Variants in USO1 observed in about 807,000 individuals in gnomAD.
The protein encoded by USO1 is USO1 vesicle transport factor, also known as general vesicular transport factor p115.
Under a neutral mutation model 124.5 loss-of-function variants are expected in USO1, and 57 were observed. That is an observed-to-expected ratio of 0.46 (90% CI 0.37 to 0.57). The LOEUF (loss-of-function observed/expected upper bound fraction) is 0.57, where lower values mean the gene tolerates loss of function less well. Among genes scored for constraint, USO1 ranks in the 20% least tolerant of loss-of-function variants. The probability of loss-of-function intolerance (pLI) is 0.00; values close to 1 mark genes in which losing one functional copy is unlikely to be tolerated. For synonymous variants in USO1, 369 were observed against 362.8 expected, an observed-to-expected ratio of 1.02 and a Z score of -0.19; for missense variants, 900 against 1,040.6, an observed-to-expected ratio of 0.86 and a Z score of 1.86.
At chr4:75,725,599 A>G (rs745501705) in intron 1 of USO1, among the ~76,000 whole-genome samples, 32 of 145,184 alleles carry the variant, frequency 2.2e-4, no homozygotes, top group Non-Finnish European at 4.4e-4. Context: ...TCCTAATGAC[A>G]TGATTTGCGG....
intron 4 of USO1, chr4:75,767,545 C>A (rs937650845): frequency 2.6e-6 from 1 of 378,862 alleles, no homozygotes; most frequent in African/African-American, 2.2e-5. Context: ...GAGATGGAGA[C>A]CATCCTGGCT....
At chr4:75,737,870 G>A (rs906005059) in intron 1 of USO1, among the ~76,000 whole-genome samples, 6 of 151,514 alleles carry the variant, frequency 4.0e-5, no homozygotes, top group African/African-American at 9.7e-5. Flanking sequence ...CTCTGTCACC[G>A]AGGCTGGAGT....
chr4:75,724,837 G>A lies in USO1; in HGVS notation c.18G>A (p.Gly6=), dbSNP rs1462535714. ...ACGGCAAGATGAATTTCCTCCGCGGGGTAATGGGGGGTCAGAGTGCCGGAC... is the reference window on the plus strand; with the variant it reads ...ACGGCAAGATGAATTTCCTCCGCGGAGTAATGGGGGGTCAGAGTGCCGGAC... The part of the protein sequence containing the change: MNFLR[G]VMGGQSAGPQ... Residue 6 remains glycine, a synonymous_variant, in exon 1 of 24, where the codon GGG becomes GGA. Transcript: ENST00000514213. 3.1e-6 allele frequency: 5 copies of A among 1,613,912 alleles called. No individual in the cohort carries two copies. Among genetic ancestry groups the A allele is most frequent in the Non-Finnish European group, 8.5e-7 (1 of 1,179,832 alleles).
intron 1 of USO1, among the ~76,000 whole-genome samples, chr4:75,739,807 T>C (rs7657198): frequency 0.35 from 53,518 of 151,890 alleles, 11,611 homozygotes; most frequent in African/African-American, 0.62. Context: ...CTTCCCAAAG[T>C]GCTGGGATTA....
rs533041107 is a variant in USO1 at position 75,796,341 on chromosome 4, C to CTTTT, written c.1452+2449_1452+2452dup. On this transcript the variant is annotated intron_variant, in intron 13 of 23. Transcript: ENST00000514213. ...TAATCCCAGAAAGTTCCATCATGCTCTTTTTTTTTTTTGAGACGGAGTCTC... is the reference window on the plus strand; with the variant it reads ...TAATCCCAGAAAGTTCCATCATGCTCTTTTTTTTTTTTTTTTGAGACGGAGTCTC... Among the ~76,000 whole-genome samples, 12 of 102,086 alleles carry CTTTT rather than the reference C, an allele frequency of 1.2e-4. 1 individual carries two copies. Among genetic ancestry groups the CTTTT allele is most frequent in the South Asian group, 3.4e-4 (1 of 2,902 alleles). The allele number at this position is 102,086 out of a possible 152,430, so 67.0% of individuals were successfully genotyped here. A position where few individuals can be genotyped will look rare whatever the true frequency, so the allele number is the denominator to read the frequency against.
chr4:75,790,652 T>G lies in USO1; in HGVS notation c.1095T>G (p.Ile365Met). ...TTTTTAAATGCAACAGACCGGCAAT[T>G]GTAGTACTTCTCATGTCCATGGTTA... ...NAPSNPPRPA[I>M]VVLLMSMVNE... Residue 365 changes from isoleucine (I) to methionine (M), a missense_variant, in exon 12 of 24, where the codon ATT becomes ATG. Around this residue, in one of 2 missense-constraint regions of USO1, gnomAD observed 538 missense variants for 681.6 expected, o/e 0.79. Transcript: ENST00000514213. 1 of 1,608,138 alleles carries G rather than the reference T, an allele frequency of 6.2e-7. No homozygotes were observed. Among genetic ancestry groups the G allele is most frequent in the Non-Finnish European group, 8.5e-7 (1 of 1,178,306 alleles).
chr4:75,791,642 C>T (rs1422788949), intron 12 of USO1, among the ~76,000 whole-genome samples: 1 of 152,134 alleles, frequency 6.6e-6, no homozygotes, highest in Non-Finnish European at 1.5e-5. Flanking sequence ...TTAAATATTT[C>T]ATCTTACCTA....
At chr4:75,756,507 ATT>A (rs5859475) in intron 3 of USO1, among the ~76,000 whole-genome samples, 1 of 135,172 alleles carries the variant, frequency 7.4e-6, no homozygotes, top group Non-Finnish European at 1.5e-5. Flanking sequence ...TTTCATAATA[ATT>A]TTTTTTTTTT....
intron 7 of USO1, among the ~76,000 whole-genome samples, chr4:75,771,432 A>C (rs928864536): frequency 6.6e-6 from 1 of 152,218 alleles, no homozygotes; most frequent in Non-Finnish European, 1.5e-5. Flanking sequence ...GTACAAGGCC[A>C]CATTGTTTCA....
intron 20 of USO1, among the ~76,000 whole-genome samples, chr4:75,808,440 A>G (rs990156583): frequency 2.0e-5 from 3 of 152,200 alleles, no homozygotes; most frequent in Admixed American, 1.3e-4. Context: ...CCAGGCCTGC[A>G]GTTTTTAACC....
intron 1 of USO1, among the ~76,000 whole-genome samples, chr4:75,729,529 CAG>C (rs1720569740): frequency 6.6e-6 from 1 of 152,066 alleles, no homozygotes; most frequent in African/African-American, 2.4e-5. Flanking sequence ...TTAGTAGAGA[CAG>C]GGTTGCACTG....
At chr4:75,790,621 C>A (rs777313499) in intron 11 of USO1, 22 bp from the exon 12 acceptor site, 4 of 1,587,024 alleles carry the variant, frequency 2.5e-6, no homozygotes, top group Non-Finnish European at 3.4e-6. Context: ...TCATTTTGTT[C>A]TTTTCTTTTT....
intron 9 of USO1, among the ~76,000 whole-genome samples, chr4:75,784,924 T>C (rs1032024218): frequency 1.2e-4 from 18 of 152,356 alleles, no homozygotes; most frequent in African/African-American, 4.3e-4. Flanking sequence ...TGACTTTCTG[T>C]AGCTTAGTAA....
chr4:75,727,380 A>G lies in USO1; in HGVS notation c.66+2495A>G, dbSNP rs1002536829. On this transcript the variant is annotated intron_variant, in intron 1 of 23. Transcript: ENST00000514213. ...AAAGGGTCCTTTCTTGTTCTTGCCT[A>G]ACTTTGAGTATGTACATTTAAAATT... Among the ~76,000 whole-genome samples, 23 of 152,336 alleles carry G rather than the reference A, an allele frequency of 1.5e-4. No homozygotes were observed. The East Asian group carries it at 3.7e-3, about 24-fold the overall frequency.
rs1421691534 is a variant in USO1, at chr4:75,782,585, T to C, written c.677-95T>C. ...TATCTGCCTGGCCATATTGAAGAGA[T>C]GCTGAGCATGGAGATTTATCTTTTT... On this transcript the variant is annotated intron_variant, in intron 8 of 23. Transcript: ENST00000514213. 5.6e-6 allele frequency: 8 copies of C among 1,436,818 alleles called. No individual in the cohort carries two copies. In the Admixed American group the frequency reaches 2.3e-4, roughly 41 times the overall value. 89.0% of individuals were successfully genotyped at this position (1,436,818 alleles called of 1,614,324 possible).
At chr4:75,735,551 C>T (rs1463042578) in intron 1 of USO1, among the ~76,000 whole-genome samples, 4 of 152,142 alleles carry the variant, frequency 2.6e-5, no homozygotes, top group African/African-American at 9.6e-5. Context: ...AACAGGGTCT[C>T]ACTCTGTTGA....
intron 1 of USO1, among the ~76,000 whole-genome samples, chr4:75,750,558 G>A (rs966408456): frequency 4.0e-5 from 6 of 151,778 alleles, no homozygotes; most frequent in African/African-American, 7.3e-5. Context: ...ATCTTAGCTC[G>A]CTGCAACCTC....
chr4:75,764,582 C>T (rs1317894461), intron 4 of USO1, among the ~76,000 whole-genome samples: 1 of 152,088 alleles, frequency 6.6e-6, no homozygotes, highest in Non-Finnish European at 1.5e-5. Flanking sequence ...TTTTAAAATA[C>T]ATTTTAGGGG....
chr4:75,734,983 C>T (rs568037059), intron 1 of USO1, among the ~76,000 whole-genome samples: 1 of 152,176 alleles, frequency 6.6e-6, no homozygotes, highest in African/African-American at 2.4e-5. Flanking sequence ...CCCGCCTCAG[C>T]CTCCCAAAGT....
Sources: gnomAD v4.1 joint callset for allele counts (sites outside exome capture counted in the v4.1 genomes callset) on GRCh38, gnomAD v4.1.1 for gene constraint, gnomAD v4.1.1 regional missense constraint, MANE v1.5 for transcripts, NCBI Gene and HGNC (gene_info 2026-07-23, HGNC 2026-07-21) for gene names.